HPSE2: variants seen among roughly 807,000 people sequenced by gnomAD.
HPSE2 encodes inactive heparanase-2.
HPSE2 carries 38 observed loss-of-function variants against 60.5 expected under a neutral mutation model. That is an observed-to-expected ratio of 0.63 (90% CI 0.48 to 0.82). The LOEUF is 0.82. Ranked by LOEUF, HPSE2 falls within the 40% of genes least tolerant of loss-of-function variation. The pLI is 0.00. For synonymous variants in HPSE2, 295 were observed against 293.2 expected, an observed-to-expected ratio of 1.01 and a Z score of -0.06; for missense variants, 713 against 740.4, an observed-to-expected ratio of 0.96 and a Z score of 0.43.
At chr10:99,073,052 T>C (rs911849129) in intron 3 of HPSE2, among the ~76,000 whole-genome samples, 2 of 151,938 alleles carry the variant, frequency 1.3e-5, no homozygotes, top group Non-Finnish European at 2.9e-5. Context: ...TCAACCATTG[T>C]TGAAGACGAT....
intron 7 of HPSE2, among the ~76,000 whole-genome samples, chr10:98,641,586 CA>C (rs890966524): frequency 3.3e-4 from 49 of 149,154 alleles, no homozygotes; most frequent in Non-Finnish European, 4.9e-4. Context: ...GCCTCCATCT[CA>C]AAAAAAAATT....
In HPSE2 at chr10:98,873,303, C is replaced by T. The variant is rs148438962; in HGVS notation, c.611-129247G>A. 5.3e-4 allele frequency among the ~76,000 whole-genome samples: 80 copies of T among 151,996 alleles called. 1 individual carries two copies. The highest frequency in any genetic ancestry group is 3.4e-3 in the Middle Eastern group (1 of 294). On this transcript the variant is annotated intron_variant, in intron 3 of 11. Transcript: ENST00000370552. The stretch of plus-strand genomic sequence containing the variant: ...TGCAGGTTTGTTACATAGGTATACA[C>T]GTGCCATGGTGGTTTGCTGCACCTA...
At chr10:98,842,834 G>C (rs568847998) in intron 3 of HPSE2, among the ~76,000 whole-genome samples, 5 of 152,060 alleles carry the variant, frequency 3.3e-5, no homozygotes, top group Non-Finnish European at 5.9e-5. Context: ...TTCCCTAAAA[G>C]TCCTCTGTTC....
upstream of HPSE2, among the ~76,000 whole-genome samples, chr10:99,240,397 T>C (rs1849918056): frequency 1.3e-5 from 2 of 150,626 alleles, no homozygotes; most frequent in Admixed American, 1.3e-4. Flanking sequence ...TCATCTTGAG[T>C]ACAATGATTT....
chr10:99,286,128 C>T, the HPSE2 span, among the ~76,000 whole-genome samples: 5 of 152,188 alleles, frequency 3.3e-5, no homozygotes, highest in Middle Eastern at 3.4e-3. Flanking sequence ...CTAATGGGAA[C>T]GTGAAATTAC....
chr10:98,855,908 G>T (rs549800254), intron 3 of HPSE2, among the ~76,000 whole-genome samples: 4 of 152,140 alleles, frequency 2.6e-5, no homozygotes, highest in African/African-American at 7.2e-5. Flanking sequence ...CAGGAACATT[G>T]AGAAAAATCC....
intron 2 of HPSE2, among the ~76,000 whole-genome samples, chr10:99,184,773 G>C (rs1188821434): frequency 1.0e-5 from 1 of 96,414 alleles, no homozygotes; most frequent in Non-Finnish European, 2.1e-5. Context: ...TGTGGCAACA[G>C]AACTATCCAA....
intron 9 of HPSE2, among the ~76,000 whole-genome samples, chr10:98,578,951 G>A (rs374714593): frequency 4.7e-4 from 71 of 152,264 alleles, no homozygotes; most frequent in Middle Eastern, 6.8e-3. Context: ...TCTGAGCTGA[G>A]AGCCATTGAA....
chr10:98,743,905 G>A lies in HPSE2; in HGVS notation c.762C>T (p.Asn254=). ...LLKYSASKKY[N]ISWELGNEPN... ...TACCATTACCCAGTTCCCAAGAAATGTTGTACTTTTTGCTGGCGCTGTACT... is the reference window on the plus strand; with the variant it reads ...TACCATTACCCAGTTCCCAAGAAATATTGTACTTTTTGCTGGCGCTGTACT... The change falls in exon 4 of 12, where the codon AAC becomes AAT. Residue 254 remains asparagine, a synonymous_variant. Transcript: ENST00000370552. The A allele has an allele frequency of 6.2e-7, 1 of 1,613,930 alleles. No homozygotes were observed. The highest frequency in any genetic ancestry group is 2.2e-5 in the East Asian group (1 of 44,858).
chr10:99,006,000 C>T (rs1307896989), intron 3 of HPSE2, among the ~76,000 whole-genome samples: 3 of 152,096 alleles, frequency 2.0e-5, no homozygotes, highest in Admixed American at 6.5e-5. Context: ...CAGAGTGGAC[C>T]TGTTGATTGG....
intron 3 of HPSE2, among the ~76,000 whole-genome samples, chr10:98,949,057 G>A (rs1955273069): frequency 6.6e-6 from 1 of 152,030 alleles, no homozygotes; most frequent in Non-Finnish European, 1.5e-5. Flanking sequence ...GGGAGTTGGT[G>A]CCCCCTCAAC....
chr10:98,737,428 C>G (rs1949386101), intron 4 of HPSE2, among the ~76,000 whole-genome samples: 1 of 138,400 alleles, frequency 7.2e-6, no homozygotes, highest in Non-Finnish European at 1.6e-5. Context: ...ACTGGTTAGA[C>G]AGTGGGTGCA....
At chr10:99,176,957 G>A (rs1589777609) in intron 2 of HPSE2, among the ~76,000 whole-genome samples, 1 of 152,184 alleles carries the variant, frequency 6.6e-6, no homozygotes, top group East Asian at 1.9e-4. Flanking sequence ...AGAAAGTGGG[G>A]ACCAATATTC....
At chr10:99,232,066 T>C (rs541391818) in intron 2 of HPSE2, among the ~76,000 whole-genome samples, 1 of 152,282 alleles carries the variant, frequency 6.6e-6, no homozygotes, top group East Asian at 1.9e-4. Flanking sequence ...GGCCGGCAGC[T>C]GGGTGAGAAC....
intron 3 of HPSE2, among the ~76,000 whole-genome samples, chr10:99,025,085 G>T (rs1957346769): frequency 6.6e-6 from 1 of 151,998 alleles, no homozygotes; most frequent in Non-Finnish European, 1.5e-5. Flanking sequence ...ACTAAACAAT[G>T]AACCAATAAA....
chr10:98,733,296 T>C (rs929171429), intron 4 of HPSE2, among the ~76,000 whole-genome samples: 15 of 151,986 alleles, frequency 9.9e-5, no homozygotes, highest in African/African-American at 3.4e-4. Context: ...ATTTTTTGTA[T>C]TTTTTTGTAG....
intron 4 of HPSE2, among the ~76,000 whole-genome samples, chr10:98,734,023 C>A (rs1949289131): frequency 1.3e-5 from 2 of 152,190 alleles, no homozygotes; most frequent in South Asian, 4.1e-4. Flanking sequence ...CTCATGGGCT[C>A]CCCAGCCCTA....
At chr10:98,873,532 T>C (rs1454625761) in intron 3 of HPSE2, among the ~76,000 whole-genome samples, 27 of 152,102 alleles carry the variant, frequency 1.8e-4, no homozygotes, top group Admixed American at 1.7e-3. Flanking sequence ...GAAAAGGACA[T>C]GATCTCATTC....
rs187310797 is a variant in HPSE2, at chr10:98,630,496, C to T, written c.1099-9788G>A. 2.3e-3 allele frequency among the ~76,000 whole-genome samples: 352 copies of T among 152,196 alleles called. 3 individuals are homozygous for T. The highest frequency in any genetic ancestry group is 7.3e-3 in the South Asian group (35 of 4,812). Reference sequence around the variant, plus strand: ...ACAGGCGTGAGCCACCACGCCCGGCCGTAATAGTTTTTTTACCGATTACCT... The same window carrying T: ...ACAGGCGTGAGCCACCACGCCCGGCTGTAATAGTTTTTTTACCGATTACCT... On this transcript the variant is annotated intron_variant, in intron 7 of 11. Coordinates refer to ENST00000370552, the MANE Select transcript of HPSE2 (RefSeq NM_021828.5).
Sources: gnomAD v4.1 joint callset for allele counts (sites outside exome capture counted in the v4.1 genomes callset) on GRCh38, gnomAD v4.1.1 for gene constraint, MANE v1.5 for transcripts, NCBI Gene and HGNC (gene_info 2026-07-23, HGNC 2026-07-21) for gene names.